The following EXT1 variants were observed in gnomAD, a reference collection of about 807,000 sequenced individuals.
The protein encoded by EXT1 is exostosin glycosyltransferase 1.
A neutral mutation model predicts 82.5 loss-of-function variants in EXT1; 20 were observed. The observed-to-expected ratio is 0.24, with a 90% CI of 0.17 to 0.35. The LOEUF (loss-of-function observed/expected upper bound fraction) is 0.35. EXT1 is among the 10% of genes least tolerant of loss of function. The pLI is 1.00. For missense variants in EXT1, 757 were observed against 936.5 expected (o/e 0.81, Z 2.50); for synonymous variants, 348 against 350.8 (o/e 0.99, Z 0.09).
chr8:118,081,855 T>C (rs755431844), intron 1 of EXT1, among the ~76,000 whole-genome samples: 6 of 152,196 alleles, frequency 3.9e-5, no homozygotes, highest in Non-Finnish European at 7.3e-5. Flanking sequence ...TTCTCCTCTT[T>C]CAACCCAGTC....
intron 1 of EXT1, among the ~76,000 whole-genome samples, chr8:117,858,645 T>TCAC (rs1248090478): frequency 6.8e-6 from 1 of 146,130 alleles, no homozygotes; most frequent in East Asian, 2.0e-4. Context: ...GCCATTGCGC[T>TCAC]CCAGCCTGGG....
intron 1 of EXT1, among the ~76,000 whole-genome samples, chr8:117,910,439 C>G (rs189076326): frequency 2.0e-5 from 3 of 152,330 alleles, no homozygotes; most frequent in Non-Finnish European, 2.9e-5. Context: ...CCACAGCTTA[C>G]AGACACAACA....
intron 1 of EXT1, among the ~76,000 whole-genome samples, chr8:117,863,215 T>C (rs1812715254): frequency 6.9e-6 from 1 of 144,074 alleles, no homozygotes; most frequent in African/African-American, 2.4e-5. Context: ...TATCATCCTC[T>C]TTTTACAGAG....
At chr8:117,953,006 C>T (rs1445365106) in intron 1 of EXT1, among the ~76,000 whole-genome samples, 1 of 152,106 alleles carries the variant, frequency 6.6e-6, no homozygotes, top group Non-Finnish European at 1.5e-5. Flanking sequence ...TTCAATATTG[C>T]CAAGAATGTC....
chr8:118,071,551 G>C (rs147412112), intron 1 of EXT1, among the ~76,000 whole-genome samples: 14 of 152,058 alleles, frequency 9.2e-5, no homozygotes, highest in African/African-American at 3.1e-4. Flanking sequence ...GGAGGAGTAA[G>C]GCTAAGAAAA....
At chr8:117,962,479 A>C (rs1403259941) in intron 1 of EXT1, among the ~76,000 whole-genome samples, 1 of 151,990 alleles carries the variant, frequency 6.6e-6, no homozygotes. Flanking sequence ...ATGGCTGGGC[A>C]CAGTGGCTCA....
In EXT1 at chr8:117,837,206, AAAGAG is replaced by A. The variant is rs1247673103; in HGVS notation, c.963-10_963-6del. ...AGCATTTCCCGATAATCATACCTAG[AAAGAG>A]AAGAGGAGTAAACAGCAAATGAAGA... is the stretch of plus-strand genomic sequence containing the variant. On this transcript the variant is annotated splice_region_variant and splice_polypyrimidine_tract_variant and intron_variant, in intron 1 of 10. Transcript: ENST00000378204. 1 of 1,611,156 alleles carries A rather than the reference AAAGAG, an allele frequency of 6.2e-7. No homozygotes were observed. The highest frequency in any genetic ancestry group is 1.1e-5 in the South Asian group (1 of 90,996).
chr8:118,004,574 C>T (rs1307799539), intron 1 of EXT1, among the ~76,000 whole-genome samples: 1 of 152,214 alleles, frequency 6.6e-6, no homozygotes, highest in Non-Finnish European at 1.5e-5. Flanking sequence ...TCCCACTAAA[C>T]TCGGTGCCAT....
At chr8:117,964,495 T>G (rs997083984) in intron 1 of EXT1, among the ~76,000 whole-genome samples, 1 of 152,230 alleles carries the variant, frequency 6.6e-6, no homozygotes, top group African/African-American at 2.4e-5. Flanking sequence ...TCTGGTTTAA[T>G]TCTTCTTTCC....
chr8:117,989,625 C>T (rs74653851), intron 1 of EXT1, among the ~76,000 whole-genome samples: 2 of 152,172 alleles, frequency 1.3e-5, no homozygotes, highest in Admixed American at 6.5e-5. Flanking sequence ...CCAAGTCATA[C>T]TGGTATCTTA....
chr8:117,892,780 T>A (rs977256839), intron 1 of EXT1, among the ~76,000 whole-genome samples: 15 of 152,216 alleles, frequency 9.9e-5, no homozygotes, highest in African/African-American at 3.6e-4. Context: ...GGTTGAATGC[T>A]GGATATATCT....
chr8:117,932,944 C>T (rs898920997), intron 1 of EXT1, among the ~76,000 whole-genome samples: 8 of 152,104 alleles, frequency 5.3e-5, no homozygotes, highest in African/African-American at 1.7e-4. Context: ...GCAAACTTAA[C>T]GTGCTCCTAA....
intron 1 of EXT1, among the ~76,000 whole-genome samples, chr8:117,937,803 T>C (rs1814196104): frequency 6.6e-6 from 1 of 152,220 alleles, no homozygotes; most frequent in Admixed American, 6.5e-5. Context: ...TGAATGTGTG[T>C]GTGTACACAC....
intron 1 of EXT1, among the ~76,000 whole-genome samples, chr8:118,076,638 C>G (rs1258828497): frequency 6.6e-6 from 1 of 152,248 alleles, no homozygotes; most frequent in Non-Finnish European, 1.5e-5. Flanking sequence ...GCCACAAGTG[C>G]TCACACTGTC....
intron 1 of EXT1, among the ~76,000 whole-genome samples, chr8:117,859,158 A>G (rs1445074804): frequency 1.3e-5 from 2 of 152,198 alleles, no homozygotes; most frequent in Admixed American, 1.3e-4. Flanking sequence ...CTGGAAAACC[A>G]GAAAAAATCA....
chr8:117,817,538 C>G (rs1243057535), intron 7 of EXT1, among the ~76,000 whole-genome samples: 2 of 151,966 alleles, frequency 1.3e-5, no homozygotes, highest in Non-Finnish European at 2.9e-5. Context: ...GAAAAAAGAG[C>G]TAGCTGCTCT....
chr8:117,840,354 T>C (rs1169935622), intron 1 of EXT1, among the ~76,000 whole-genome samples: 10 of 152,168 alleles, frequency 6.6e-5, no homozygotes, highest in Admixed American at 6.5e-4. Context: ...GGTTCACACC[T>C]GTAATCCCAG....
chr8:117,819,854 ACTC>A, intron 5 of EXT1, 60 bp from the exon 6 acceptor site: 1 of 1,489,858 alleles, frequency 6.7e-7, no homozygotes, highest in Non-Finnish European at 9.4e-7. Context: ...TTAGAAAATT[ACTC>A]CTCCTTGCTC....
chr8:118,006,718 T>C (rs6986291), intron 1 of EXT1, among the ~76,000 whole-genome samples: 67,369 of 152,024 alleles, frequency 0.44, 15,083 homozygotes, highest in Admixed American at 0.5. Flanking sequence ...TATTCACATT[T>C]TTAAAGAGTT....
Sources: allele counts gnomAD v4.1 joint callset (sites outside exome capture counted in the v4.1 genomes callset), GRCh38; gene constraint gnomAD v4.1.1; transcripts MANE v1.5; gene names NCBI Gene and HGNC (gene_info 2026-07-23, HGNC 2026-07-21).